Variants in MAGI2 observed in about 807,000 individuals in gnomAD.
MAGI2 encodes membrane-associated guanylate kinase, WW and PDZ domain-containing protein 2.
In MAGI2, 35 loss-of-function variants were observed where a neutral mutation model predicts 133.3. The ratio of observed to expected loss-of-function variants is 0.26; its 90% confidence interval spans 0.20 to 0.35. MAGI2 has a LOEUF of 0.35. Among genes scored for constraint, MAGI2 ranks in the 10% least tolerant of loss-of-function variants. The pLI, the probability that MAGI2 is intolerant of heterozygous loss-of-function variation, is 1.00. For missense variants in MAGI2, 1,636 were observed against 1,863.4 expected (o/e 0.88, Z 2.25); for synonymous variants, 729 against 710.6 (o/e 1.03, Z -0.41).
chr7:78,586,040 A>G (rs1290883844), intron 3 of MAGI2, among the ~76,000 whole-genome samples: 1 of 152,172 alleles, frequency 6.6e-6, no homozygotes, highest in East Asian at 1.9e-4. Context: ...TGGCTGTATT[A>G]CCTGCATTAA....
intron 16 of MAGI2, among the ~76,000 whole-genome samples, chr7:78,140,539 C>T (rs370402612): frequency 2.0e-5 from 3 of 152,152 alleles, no homozygotes; most frequent in East Asian, 1.9e-4. Flanking sequence ...CTCATTAGCT[C>T]GCATTTCCAT....
intron 9 of MAGI2, among the ~76,000 whole-genome samples, chr7:78,269,820 T>TGCCCATGAC (rs1794387348): frequency 1.3e-5 from 2 of 152,362 alleles, no homozygotes; most frequent in South Asian, 4.1e-4. Context: ...TTTTGGTGTT[T>TGCCCATGAC]TAGTCATAAA....
chr7:79,404,208 C>T (rs555490220), intron 1 of MAGI2, among the ~76,000 whole-genome samples: 109 of 152,226 alleles, frequency 7.2e-4, no homozygotes, highest in Admixed American at 1.4e-3. Flanking sequence ...CTTATATAGT[C>T]TTATTAATAT....
rs148857596 is a variant in MAGI2 at position 78,241,403 on chromosome 7, A to G, written c.2047+14540T>C. Among the ~76,000 whole-genome samples, 100 of 152,246 alleles carry G rather than the reference A, an allele frequency of 6.6e-4. 1 individual carries two copies. In the East Asian group the frequency reaches 0.016, roughly 25 times the overall value. ...TATCCCCATTTGGTGTATGTCTTGT[A>G]AAATGCATGGCATTTTCTATGCTTA... On this transcript the variant is annotated intron_variant, in intron 10 of 21. Transcript: ENST00000354212.
chr7:78,773,019 C>T (rs908165432), intron 2 of MAGI2, among the ~76,000 whole-genome samples: 28 of 151,910 alleles, frequency 1.8e-4, no homozygotes, highest in Admixed American at 5.9e-4. Flanking sequence ...GGCTTTTGTT[C>T]TTTTGGCCAT....
In MAGI2 at chr7:78,811,821, T is replaced by C. The variant is rs373270330; in HGVS notation, c.419-184582A>G. On this transcript the variant is annotated intron_variant, in intron 2 of 21. Coordinates refer to ENST00000354212, the MANE Select transcript of MAGI2 (RefSeq NM_012301.4). ...CCCCTCCTCAAAGATATCCATGTCC[T>C]AAACCTCAGAACCTGTGTATCTATT... 5.3e-5 allele frequency among the ~76,000 whole-genome samples: 8 copies of C among 152,196 alleles called. 1 individual carries two copies. The East Asian group carries it at 7.7e-4, about 15-fold the overall frequency.
At chr7:78,586,026 A>C (rs1362084242) in intron 3 of MAGI2, among the ~76,000 whole-genome samples, 1 of 152,172 alleles carries the variant, frequency 6.6e-6, no homozygotes, top group East Asian at 1.9e-4. Context: ...GTAGACTCAT[A>C]TACTGGCTGT....
intron 1 of MAGI2, among the ~76,000 whole-genome samples, chr7:79,016,564 C>T (rs1005889705): frequency 6.6e-6 from 1 of 152,114 alleles, no homozygotes; most frequent in Non-Finnish European, 1.5e-5. Context: ...TGCTGGCACG[C>T]ACTTGTCCAC....
Position 78,550,889 on chromosome 7 carries a change from ACTT to A in MAGI2, c.539-29247_539-29245del, listed in dbSNP as rs199538390. ...ACACTGCACATTGGAATTATACAGA[ACTT>A]CTTCTAAGCATGCATTTAGTGTGTC... On this transcript the variant is annotated intron_variant, in intron 3 of 21. Coordinates refer to ENST00000354212, the MANE Select transcript of MAGI2 (RefSeq NM_012301.4). Among the ~76,000 whole-genome samples the A allele has an allele frequency of 3.3e-3, 507 of 152,180 alleles. 3 individuals carry two copies. The highest frequency in any genetic ancestry group is 0.012 in the African/African-American group (484 of 41,544).
chr7:78,803,051 C>A, intron 2 of MAGI2, among the ~76,000 whole-genome samples: 1 of 151,326 alleles, frequency 6.6e-6, no homozygotes, highest in East Asian at 1.9e-4. Flanking sequence ...ATGAAGTGTC[C>A]ATTTTTATAC....
In MAGI2 at chr7:78,362,245, T is replaced by G. The variant is rs564171205; in HGVS notation, c.1103+6911A>C. ...TGAACCTGGGAGGCGGAGGTTGCAG[T>G]AAGCCGAGATTGCACCACTGTACTC... is the stretch of plus-strand genomic sequence containing the variant. On this transcript the variant is annotated intron_variant, in intron 7 of 21. Coordinates refer to ENST00000354212, the MANE Select transcript of MAGI2 (RefSeq NM_012301.4). Among the ~76,000 whole-genome samples the G allele has an allele frequency of 9.9e-5, 15 of 152,238 alleles. No individual in the cohort carries two copies. In the South Asian group the frequency reaches 3.1e-3, roughly 32 times the overall value.
chr7:79,407,377 A>G (rs763489795), intron 1 of MAGI2, among the ~76,000 whole-genome samples: 1 of 152,128 alleles, frequency 6.6e-6, no homozygotes, highest in Non-Finnish European at 1.5e-5. Context: ...TCCTAGCCTT[A>G]ATCAGTCCCT....
At chr7:78,192,620 G>A (rs989567515) in intron 12 of MAGI2, among the ~76,000 whole-genome samples, 1 of 151,186 alleles carries the variant, frequency 6.6e-6, no homozygotes, top group African/African-American at 2.4e-5. Flanking sequence ...TGCTCTCCTG[G>A]TTTCCTTAAT....
intron 10 of MAGI2, among the ~76,000 whole-genome samples, chr7:78,244,103 C>T (rs980394252): frequency 7.4e-4 from 104 of 141,108 alleles, no homozygotes; most frequent in African/African-American, 2.2e-3. Flanking sequence ...ATGGGAGGAT[C>T]GCTTGAGGCC....
chr7:78,285,592 G>A (rs1203293552), intron 9 of MAGI2: 14 of 152,132 alleles, frequency 9.2e-5, no homozygotes, highest in Admixed American at 9.2e-4. Context: ...AAGCCCGAAA[G>A]GTTAGTAACT....
chr7:79,180,824 G>C (rs987272717), intron 1 of MAGI2, among the ~76,000 whole-genome samples: 1 of 151,928 alleles, frequency 6.6e-6, no homozygotes, highest in Admixed American at 6.6e-5. Context: ...AGATACAAAG[G>C]GGGTACAGGC....
chr7:78,585,689 C>T (rs1017078801), intron 3 of MAGI2, among the ~76,000 whole-genome samples: 3 of 152,122 alleles, frequency 2.0e-5, no homozygotes, highest in Non-Finnish European at 2.9e-5. Flanking sequence ...GAAGCAATGG[C>T]AGCATTATGT....
chr7:79,246,508 A>G (rs767897965), intron 1 of MAGI2, among the ~76,000 whole-genome samples: 3 of 152,262 alleles, frequency 2.0e-5, no homozygotes, highest in Non-Finnish European at 4.4e-5. Flanking sequence ...TGCAATAGAC[A>G]TACTGAACAA....
chr7:78,789,164 T>G lies in MAGI2; in HGVS notation c.419-161925A>C, dbSNP rs553767086. ...ATTGTAAGCTACTGAAGGACAAAAATCTCCTCTTTGTTCCTGTTCTCTCCT... is the reference window on the plus strand; with the variant it reads ...ATTGTAAGCTACTGAAGGACAAAAAGCTCCTCTTTGTTCCTGTTCTCTCCT... On this transcript the variant is annotated intron_variant, in intron 2 of 21. Transcript: ENST00000354212. Among the ~76,000 whole-genome samples the G allele has an allele frequency of 1.1e-4, 17 of 152,236 alleles. No individual in the cohort carries two copies. The South Asian group carries it at 3.3e-3, about 30-fold the overall frequency.
Sources: allele counts gnomAD v4.1 joint callset (sites outside exome capture counted in the v4.1 genomes callset), GRCh38; gene constraint gnomAD v4.1.1; transcripts MANE v1.5; gene names NCBI Gene and HGNC (gene_info 2026-07-23, HGNC 2026-07-21).